The following CLSTN2 variants were observed in gnomAD, a reference collection of about 807,000 sequenced individuals.
CLSTN2 encodes calsyntenin-2.
A neutral mutation model predicts 101.2 loss-of-function variants in CLSTN2; 48 were observed. The ratio of observed to expected loss-of-function variants is 0.47; its 90% CI spans 0.38 to 0.60. The LOEUF is 0.60. Among genes scored for constraint, CLSTN2 ranks in the 20% least tolerant of loss-of-function variants. The probability of loss-of-function intolerance (pLI) is 0.00; values close to 1 mark genes in which losing one functional copy is unlikely to be tolerated. For missense variants in CLSTN2, 1,160 were observed against 1,238.2 expected (o/e 0.94, Z 0.95); for synonymous variants, 481 against 463.6 (o/e 1.04, Z -0.48).
intron 2 of CLSTN2, among the ~76,000 whole-genome samples, chr3:140,358,983 A>C (rs900934712): frequency 2.0e-5 from 3 of 152,080 alleles, no homozygotes; most frequent in Non-Finnish European, 4.4e-5. Flanking sequence ...TGGCATCCAA[A>C]CCCTCTTCCA....
At chr3:140,000,581 C>G (rs2006808011) in intron 1 of CLSTN2, among the ~76,000 whole-genome samples, 3 of 152,192 alleles carry the variant, frequency 2.0e-5, no homozygotes, top group Non-Finnish European at 4.4e-5. Flanking sequence ...AACAAAGTGT[C>G]AGGACCCAGA....
At chr3:140,308,809 A>G (rs1452064289) in intron 2 of CLSTN2, among the ~76,000 whole-genome samples, 2 of 152,190 alleles carry the variant, frequency 1.3e-5, no homozygotes, top group Non-Finnish European at 2.9e-5. Context: ...GAAAACTGCC[A>G]TTTGTTGACA....
intron 5 of CLSTN2, among the ~76,000 whole-genome samples, chr3:140,444,348 T>A (rs1480425348): frequency 6.6e-6 from 1 of 151,876 alleles, no homozygotes; most frequent in Non-Finnish European, 1.5e-5. Flanking sequence ...GAGAATTTCT[T>A]GAACCCAAGA....
intron 2 of CLSTN2, among the ~76,000 whole-genome samples, chr3:140,203,084 T>A (rs1304659835): frequency 2.0e-5 from 3 of 152,178 alleles, no homozygotes; most frequent in Non-Finnish European, 4.4e-5. Context: ...TACCCTCCCC[T>A]CCCAAATTGG....
intron 2 of CLSTN2, among the ~76,000 whole-genome samples, chr3:140,377,874 C>T (rs2087933862): frequency 6.6e-6 from 1 of 152,158 alleles, no homozygotes; most frequent in Non-Finnish European, 1.5e-5. Context: ...ATTCACTCAC[C>T]ACTCACTCAC....
At chr3:139,991,473 A>G (rs1936113242) in intron 1 of CLSTN2, among the ~76,000 whole-genome samples, 1 of 152,240 alleles carries the variant, frequency 6.6e-6, no homozygotes, top group South Asian at 2.1e-4. Context: ...CCGAGAAACC[A>G]AAGTGATATT....
At chr3:140,277,911 T>C (rs553565153) in intron 2 of CLSTN2, among the ~76,000 whole-genome samples, 1 of 152,354 alleles carries the variant, frequency 6.6e-6, no homozygotes, top group East Asian at 1.9e-4. Flanking sequence ...AATTCTTTGT[T>C]GGCTGTGACA....
chr3:140,367,322 G>A (rs531483933), intron 2 of CLSTN2, among the ~76,000 whole-genome samples: 1 of 152,058 alleles, frequency 6.6e-6, no homozygotes, highest in South Asian at 2.1e-4. Context: ...AGACCATCGT[G>A]GCCAGTATGG....
At chr3:140,453,697 A>G (rs573229839) in intron 6 of CLSTN2, among the ~76,000 whole-genome samples, 9 of 152,354 alleles carry the variant, frequency 5.9e-5, no homozygotes, top group African/African-American at 1.9e-4. Context: ...CAAGGTATAC[A>G]TGTATCTAAA....
At chr3:140,057,029 C>G (rs1479410544) in intron 1 of CLSTN2, among the ~76,000 whole-genome samples, 1 of 152,216 alleles carries the variant, frequency 6.6e-6, no homozygotes, top group African/African-American at 2.4e-5. Context: ...ACGCCCTCCC[C>G]ACCCTGCAGC....
intron 2 of CLSTN2, among the ~76,000 whole-genome samples, chr3:140,200,053 C>G (rs537552163): frequency 6.6e-6 from 1 of 152,214 alleles, no homozygotes; most frequent in South Asian, 2.1e-4. Context: ...GGCCTTTAGT[C>G]CAGGCATGAA....
At chr3:140,540,473 A>AG (rs1047403537) in intron 9 of CLSTN2, among the ~76,000 whole-genome samples, 1 of 152,216 alleles carries the variant, frequency 6.6e-6, no homozygotes, top group Admixed American at 6.5e-5. Flanking sequence ...TGCATTCCAC[A>AG]GGTATCTACA....
chr3:140,153,115 T>C (rs1311627232), intron 1 of CLSTN2, among the ~76,000 whole-genome samples: 1 of 151,998 alleles, frequency 6.6e-6, no homozygotes, highest in Non-Finnish European at 1.5e-5. Context: ...AGAAAAGGGG[T>C]TGAGGTTTTG....
intron 4 of CLSTN2, among the ~76,000 whole-genome samples, chr3:140,419,282 A>T (rs1163740443): frequency 6.7e-6 from 1 of 150,328 alleles, no homozygotes; most frequent in Non-Finnish European, 1.5e-5. Flanking sequence ...CACGAGTTCG[A>T]GACCAGCCTG....
intron 2 of CLSTN2, among the ~76,000 whole-genome samples, chr3:140,265,444 G>A (rs76076183): frequency 8.1e-4 from 123 of 152,236 alleles, no homozygotes; most frequent in Admixed American, 7.2e-3. Flanking sequence ...AGACTACCCA[G>A]ACCCCCTGGA....
intron 1 of CLSTN2, among the ~76,000 whole-genome samples, chr3:139,985,583 G>A (rs536472868): frequency 1.3e-5 from 2 of 152,088 alleles, no homozygotes; most frequent in Non-Finnish European, 2.9e-5. Flanking sequence ...ATGTTCCCAC[G>A]TGCATTGTTT....
intron 10 of CLSTN2, among the ~76,000 whole-genome samples, chr3:140,547,811 C>A (rs1032833180): frequency 6.6e-6 from 1 of 152,162 alleles, no homozygotes; most frequent in Non-Finnish European, 1.5e-5. Flanking sequence ...TCATAGTGGA[C>A]CCCAGTGTGA....
chr3:140,266,683 C>G (rs540986699), intron 2 of CLSTN2, among the ~76,000 whole-genome samples: 1 of 152,284 alleles, frequency 6.6e-6, no homozygotes, highest in South Asian at 2.1e-4. Flanking sequence ...CTTGTCTATG[C>G]CAGGCATTAA....
At chr3:140,098,869 C>T (rs2008915304) in intron 1 of CLSTN2, among the ~76,000 whole-genome samples, 1 of 152,150 alleles carries the variant, frequency 6.6e-6, no homozygotes, top group African/African-American at 2.4e-5. Context: ...CTAAAATTGA[C>T]TGGACAGCCA....
Sources: allele counts gnomAD v4.1 joint callset (sites outside exome capture counted in the v4.1 genomes callset), GRCh38; gene constraint gnomAD v4.1.1; transcripts MANE v1.5; gene names NCBI Gene and HGNC (gene_info 2026-07-23, HGNC 2026-07-21).